The following TDRD3 variants were observed in gnomAD, a reference collection of about 807,000 sequenced individuals.
TDRD3 encodes tudor domain-containing protein 3.
In TDRD3, 45 loss-of-function variants were observed where a neutral mutation model predicts 86.7. The ratio of observed to expected loss-of-function variants is 0.52; its 90% CI spans 0.41 to 0.67. The LOEUF (loss-of-function observed/expected upper bound fraction) is 0.67, where lower values mean the gene tolerates loss of function less well. TDRD3 is among the 30% of genes least tolerant of loss of function. The pLI is 0.00. For missense variants in TDRD3, 814 were observed against 889.0 expected, an observed-to-expected ratio of 0.92 and a Z score of 1.07; for synonymous variants, 298 against 301.7, an observed-to-expected ratio of 0.99 and a Z score of 0.13.
intron 3 of TDRD3, among the ~76,000 whole-genome samples, chr13:60,450,485 C>G (rs1955510148): frequency 6.6e-6 from 1 of 152,044 alleles, no homozygotes; most frequent in Non-Finnish European, 1.5e-5. Flanking sequence ...ATCCTCTGTC[C>G]TTAATTTTCT....
intron 3 of TDRD3, among the ~76,000 whole-genome samples, chr13:60,454,882 T>C (rs1955629767): frequency 6.6e-6 from 1 of 152,136 alleles, no homozygotes; most frequent in African/African-American, 2.4e-5. Context: ...TTTATTTTTT[T>C]CTCTCTTCCT....
In TDRD3 at chr13:60,529,101, C is replaced by T. The variant is rs769147355; in HGVS notation, c.1876C>T (p.Arg626Ter). ...DKIFYNSGPK[R>*]RSGPIKPEKI... ...AATATTTTACAATAGTGGGCCCAAA[C>T]GAAGATCTGGGCCAATTAAGCCAGA... is the stretch of plus-strand genomic sequence containing the variant. The change falls in exon 11 of 14, where the codon CGA becomes TGA. Residue 626 changes from arginine (R) to a stop codon, truncating the protein, a stop_gained. Transcript: ENST00000377881. LOFTEE classifies it high-confidence loss of function. The T allele has an allele frequency of 1.4e-5, 23 of 1,613,792 alleles. No homozygotes were observed. The highest frequency in any genetic ancestry group is 1.7e-5 in the Non-Finnish European group (20 of 1,179,928).
chr13:60,517,497 G>C (rs1466067070), intron 10 of TDRD3, among the ~76,000 whole-genome samples: 4 of 152,168 alleles, frequency 2.6e-5, no homozygotes, highest in African/African-American at 9.7e-5. Context: ...TTGGAAACCA[G>C]GGATAAATGG....
At chr13:60,557,558 G>A (rs1349818263) in intron 12 of TDRD3, among the ~76,000 whole-genome samples, 1 of 152,028 alleles carries the variant, frequency 6.6e-6, no homozygotes, top group East Asian at 1.9e-4. Context: ...TGTGATAATG[G>A]TGTTTGGTAC....
chr13:60,521,022 A>G (rs1957275188), intron 10 of TDRD3, among the ~76,000 whole-genome samples: 1 of 152,232 alleles, frequency 6.6e-6, no homozygotes, highest in South Asian at 2.1e-4. Flanking sequence ...GCATTACTGC[A>G]AAACTAGAAA....
chr13:60,538,659 T>C (rs1957747483), intron 12 of TDRD3, among the ~76,000 whole-genome samples: 1 of 152,130 alleles, frequency 6.6e-6, no homozygotes, highest in South Asian at 2.1e-4. Context: ...GAGAAAACAT[T>C]AGGGGCAAAG....
intron 8 of TDRD3, among the ~76,000 whole-genome samples, chr13:60,501,589 A>G (rs1260606545): frequency 6.6e-6 from 1 of 152,176 alleles, no homozygotes; most frequent in African/African-American, 2.4e-5. Flanking sequence ...AAACTTTCCT[A>G]CTTGTCCTAA....
intron 12 of TDRD3, among the ~76,000 whole-genome samples, chr13:60,550,601 T>G (rs551623639): frequency 3.0e-4 from 45 of 152,206 alleles, no homozygotes; most frequent in African/African-American, 2.2e-4. Context: ...AAAATGAACA[T>G]TTTGTGAATG....
rs537088416 is a variant in TDRD3 at position 60,488,903 on chromosome 13, A to G, written c.717+2955A>G. Among the ~76,000 whole-genome samples the G allele has an allele frequency of 4.6e-5, 7 of 151,688 alleles. No homozygotes were observed. In the South Asian group the frequency reaches 6.3e-4, roughly 14 times the overall value. On this transcript the variant is annotated intron_variant, in intron 7 of 13. Coordinates refer to ENST00000377881, the MANE Select transcript of TDRD3 (RefSeq NM_001146070.2). The stretch of plus-strand genomic sequence containing the variant: ...GCCGGGTTTATTTTTTGTTTTGTTT[A>G]GTTTTGTTTTGCTTTTGAATTGTTA...
At chr13:60,433,373 T>C (rs753122802) in intron 1 of TDRD3, among the ~76,000 whole-genome samples, 4 of 152,232 alleles carry the variant, frequency 2.6e-5, no homozygotes, top group Non-Finnish European at 4.4e-5. Context: ...AAAATATTTA[T>C]GTCAATGACC....
chr13:60,412,929 G>A (rs1006614176), intron 1 of TDRD3, among the ~76,000 whole-genome samples: 16 of 152,014 alleles, frequency 1.1e-4, no homozygotes, highest in Middle Eastern at 3.4e-3. Flanking sequence ...TCTAAGATGC[G>A]TACTTTAAAA....
chr13:60,449,335 A>T (rs1347831252), intron 3 of TDRD3, among the ~76,000 whole-genome samples: 1 of 152,154 alleles, frequency 6.6e-6, no homozygotes, highest in East Asian at 1.9e-4. Context: ...TAAAACTTTC[A>T]TGCTTTATTT....
At chr13:60,498,736 G>T (rs1381508849) in intron 8 of TDRD3, among the ~76,000 whole-genome samples, 1 of 152,090 alleles carries the variant, frequency 6.6e-6, no homozygotes, top group Admixed American at 6.5e-5. Context: ...CTTCCCCAAG[G>T]AGACCTCCGG....
chr13:60,484,784 A>C (rs1956392466), intron 6 of TDRD3: 1 of 421,342 alleles, frequency 2.4e-6, no homozygotes, highest in East Asian at 7.3e-5. Context: ...TGTAATGAAA[A>C]CCTCCACAGG....
chr13:60,538,694 C>T (rs1271859591), intron 12 of TDRD3, among the ~76,000 whole-genome samples: 1 of 152,102 alleles, frequency 6.6e-6, no homozygotes, highest in Non-Finnish European at 1.5e-5. Flanking sequence ...GTGTTTCCCA[C>T]AGGCCCTTTC....
intron 10 of TDRD3, among the ~76,000 whole-genome samples, chr13:60,526,839 C>CT (rs995199680): frequency 3.3e-5 from 5 of 150,892 alleles, no homozygotes; most frequent in Non-Finnish European, 3.0e-5. Flanking sequence ...CACTTTGAGT[C>CT]TTTTTTTTTC....
intron 7 of TDRD3, among the ~76,000 whole-genome samples, chr13:60,489,478 G>A (rs1017573078): frequency 6.6e-6 from 1 of 152,178 alleles, no homozygotes; most frequent in African/African-American, 2.4e-5. Flanking sequence ...AGAAGCACAG[G>A]CTCTGGAATC....
At chr13:60,527,251 T>A (rs1957462530) in intron 10 of TDRD3, among the ~76,000 whole-genome samples, 1 of 152,188 alleles carries the variant, frequency 6.6e-6, no homozygotes, top group African/African-American at 2.4e-5. Context: ...CTCCAGTGGC[T>A]GTTTGGAAAT....
chr13:60,523,684 C>G (rs1396630320), intron 10 of TDRD3, among the ~76,000 whole-genome samples: 1 of 149,220 alleles, frequency 6.7e-6, no homozygotes, highest in East Asian at 2.0e-4. Context: ...TCAAGCAATT[C>G]GCCTACCTCA....
Sources: allele counts gnomAD v4.1 joint callset (sites outside exome capture counted in the v4.1 genomes callset), GRCh38; gene constraint gnomAD v4.1.1; transcripts MANE v1.5; gene names NCBI Gene and HGNC (gene_info 2026-07-23, HGNC 2026-07-21).